Variants in IQSEC1 observed in about 807,000 individuals in gnomAD.
IQSEC1 encodes the protein IQ motif and Sec7 domain ArfGEF 1.
Under a neutral mutation model 91.0 loss-of-function variants are expected in IQSEC1, and 31 were observed. The ratio of observed to expected loss-of-function variants is 0.34; its 90% CI spans 0.26 to 0.46. The LOEUF (loss-of-function observed/expected upper bound fraction) is 0.46. IQSEC1 is among the 20% of genes least tolerant of loss of function. The pLI is 1.00. For synonymous variants in IQSEC1, 699 were observed against 662.6 expected (o/e 1.05, Z -0.84); for missense variants, 1,388 against 1,575.6 (o/e 0.88, Z 2.02).
intron 1 of IQSEC1, among the ~76,000 whole-genome samples, chr3:13,167,829 T>C (rs1693527862): frequency 6.6e-6 from 1 of 152,222 alleles, no homozygotes; most frequent in Admixed American, 6.5e-5. Context: ...CTTGAACCTC[T>C]GGAAAACTGA....
At chr3:12,945,724 T>C (rs1699138698) in intron 1 of IQSEC1, among the ~76,000 whole-genome samples, 1 of 152,130 alleles carries the variant, frequency 6.6e-6, no homozygotes, top group African/African-American at 2.4e-5. Flanking sequence ...ATGGCCCCAA[T>C]CAGCAACTAC....
At chr3:13,142,285 G>T (rs561087145) in intron 2 of IQSEC1, among the ~76,000 whole-genome samples, 1 of 152,362 alleles carries the variant, frequency 6.6e-6, no homozygotes, top group South Asian at 2.1e-4. Flanking sequence ...GAGAGGGGAA[G>T]GGCTTCCCTG....
chr3:13,267,604 C>CTT (rs1292718661), intron 1 of IQSEC1, among the ~76,000 whole-genome samples: 2 of 145,792 alleles, frequency 1.4e-5, no homozygotes, highest in African/African-American at 2.5e-5. Flanking sequence ...CAGCAAATTT[C>CTT]TTTTTTTTTT....
At position 12,967,017 on chromosome 3, in the gene IQSEC1, C is replaced by T. The variant is rs1338464187; in HGVS notation, c.24-25152G>A. Reference sequence around the variant, plus strand: ...TCTCCCTCCTGCCCCTCACCTCACACCCACACCGAGTCCCACTGTTTCCCT... The same window carrying T: ...TCTCCCTCCTGCCCCTCACCTCACATCCACACCGAGTCCCACTGTTTCCCT... On this transcript the variant is annotated intron_variant, in intron 1 of 13. Transcript: ENST00000613206. The surrounding 1 kb of genome is among the most constrained non-coding windows in gnomAD (Gnocchi z 5.9). Among the ~76,000 whole-genome samples, 1 of 152,116 alleles carries T rather than the reference C, an allele frequency of 6.6e-6. No homozygotes were observed. Among genetic ancestry groups the T allele is most frequent in the African/African-American group, 2.4e-5 (1 of 41,430 alleles).
chr3:12,902,670 CA>C (rs1213830618), intron 13 of IQSEC1, 102 bp downstream of exon 13: 5,407 of 191,436 alleles, frequency 0.028, 4 homozygotes, highest in Middle Eastern at 0.061. Flanking sequence ...AAAAAAAAAC[CA>C]AAAAAAAAAA....
At chr3:13,089,803 G>A (rs537753594) in intron 2 of IQSEC1, among the ~76,000 whole-genome samples, 5 of 152,342 alleles carry the variant, frequency 3.3e-5, no homozygotes, top group African/African-American at 1.2e-4. Flanking sequence ...GTGGACGGCT[G>A]CGAATGGGTA....
chr3:13,041,189 C>A (rs755631084), intron 1 of IQSEC1, among the ~76,000 whole-genome samples: 1 of 148,848 alleles, frequency 6.7e-6, no homozygotes, highest in African/African-American at 2.5e-5. Context: ...GCCGGACATG[C>A]CCTCCTGAGG....
chr3:13,157,553 A>G (rs1707102705), intron 2 of IQSEC1, among the ~76,000 whole-genome samples: 1 of 152,188 alleles, frequency 6.6e-6, no homozygotes, highest in Non-Finnish European at 1.5e-5. Flanking sequence ...TCCTGAGGAA[A>G]TTGCTCAGGA....
At chr3:13,218,226 G>C (rs1291459993) in intron 1 of IQSEC1, among the ~76,000 whole-genome samples, 1 of 152,214 alleles carries the variant, frequency 6.6e-6, no homozygotes, top group Non-Finnish European at 1.5e-5. Context: ...AGGTGTGCGA[G>C]GCCTGGGGCA....
At chr3:12,964,359 G>A (rs369783704) in intron 1 of IQSEC1, among the ~76,000 whole-genome samples, 11 of 150,854 alleles carry the variant, frequency 7.3e-5, no homozygotes, top group South Asian at 2.1e-4. Flanking sequence ...CAAGGCCTCC[G>A]GTGGTGTTTG....
intron 1 of IQSEC1, among the ~76,000 whole-genome samples, chr3:13,047,114 G>A (rs1391328341): frequency 3.3e-5 from 5 of 152,186 alleles, no homozygotes; most frequent in East Asian, 1.9e-4. Flanking sequence ...AGCCTTGGTC[G>A]TCATGGGAAC....
intron 1 of IQSEC1, among the ~76,000 whole-genome samples, chr3:12,987,819 C>T (rs972011655): frequency 1.4e-4 from 22 of 152,170 alleles, no homozygotes; most frequent in South Asian, 2.1e-4. Flanking sequence ...TCCAAACAGC[C>T]AATGGACAAA....
intron 1 of IQSEC1, among the ~76,000 whole-genome samples, chr3:13,229,784 C>T (rs1694814102): frequency 6.6e-6 from 1 of 152,242 alleles, no homozygotes; most frequent in African/African-American, 2.4e-5. Context: ...TTCTGCACAG[C>T]TCAGCCAGCA....
intron 1 of IQSEC1, among the ~76,000 whole-genome samples, chr3:13,266,827 T>C (rs1432442068): frequency 6.6e-6 from 1 of 152,050 alleles, no homozygotes; most frequent in Non-Finnish European, 1.5e-5. Flanking sequence ...GCGGTCCTTC[T>C]AGCAAGCTCT....
chr3:12,987,218 G>A (rs1701782457), intron 1 of IQSEC1, among the ~76,000 whole-genome samples: 1 of 152,242 alleles, frequency 6.6e-6, no homozygotes, highest in South Asian at 2.1e-4. Flanking sequence ...GGTCCTGCTG[G>A]GGGCGGGGAG....
At chr3:13,023,595 G>A (rs895552888) in intron 1 of IQSEC1, among the ~76,000 whole-genome samples, 4 of 152,056 alleles carry the variant, frequency 2.6e-5, no homozygotes, top group Admixed American at 2.6e-4. Context: ...GGAGGGTGGG[G>A]CCAGGGCTCC....
chr3:12,954,718 G>A (rs987159298), intron 1 of IQSEC1, among the ~76,000 whole-genome samples: 4 of 152,238 alleles, frequency 2.6e-5, no homozygotes, highest in African/African-American at 9.6e-5. Context: ...TTTCCACAGT[G>A]CCTAAATAGG....
intron 1 of IQSEC1, among the ~76,000 whole-genome samples, chr3:13,233,012 G>GAA (rs1178686810): frequency 1.3e-5 from 2 of 152,232 alleles, no homozygotes; most frequent in Non-Finnish European, 2.9e-5. Context: ...TGGAGGCAGA[G>GAA]TTTGTATTTG....
intron 2 of IQSEC1, among the ~76,000 whole-genome samples, chr3:13,160,042 C>T (rs1292291843): frequency 6.6e-6 from 1 of 152,160 alleles, no homozygotes; most frequent in Non-Finnish European, 1.5e-5. Context: ...CAAAGTCCTA[C>T]ATTTGCAAAA....
Sources: allele counts gnomAD v4.1 joint callset (sites outside exome capture counted in the v4.1 genomes callset), GRCh38; gene constraint gnomAD v4.1.1; non-coding constraint Gnocchi (gnomAD v3.1); transcripts MANE v1.5; gene names NCBI Gene and HGNC (gene_info 2026-07-23, HGNC 2026-07-21).